Variants in CNR1 observed in about 807,000 individuals in gnomAD.
CNR1 encodes the protein cannabinoid receptor 1, also known as cannabinoid receptor 1 (brain).
A neutral mutation model predicts 23.0 loss-of-function variants in CNR1; 10 were observed. That is an observed-to-expected ratio of 0.43 (90% CI 0.27 to 0.74). The LOEUF (loss-of-function observed/expected upper bound fraction) is 0.74. CNR1 is among the 30% of genes least tolerant of loss of function. The probability of loss-of-function intolerance (pLI) is 0.19; values close to 1 mark genes in which losing one functional copy is unlikely to be tolerated. For synonymous variants in CNR1, 271 were observed against 255.2 expected (o/e 1.06, Z -0.59); for missense variants, 422 against 618.8 (o/e 0.68, Z 3.37).
At chr6:88,146,436 G>C (rs1222361257) in intron 1 of CNR1, among the ~76,000 whole-genome samples, 1 of 152,176 alleles carries the variant, frequency 6.6e-6, no homozygotes, top group Non-Finnish European at 1.5e-5. Flanking sequence ...CAGGGATATG[G>C]AGGAGGCCTC....
chr6:88,152,214 CAAAAAAAA>C (rs56141409), intron 1 of CNR1, among the ~76,000 whole-genome samples: 3 of 81,592 alleles, frequency 3.7e-5, no homozygotes, highest in African/African-American at 1.2e-4. Context: ...GACTCCGTCT[CAAAAAAAA>C]AAAAAAAAAA....
intron 1 of CNR1, among the ~76,000 whole-genome samples, chr6:88,152,131 C>A (rs371419146): frequency 6.8e-6 from 1 of 147,802 alleles, no homozygotes; most frequent in Non-Finnish European, 1.5e-5. Flanking sequence ...AGGAGAATGG[C>A]GTGAACCCGG....
At chr6:88,153,456 T>A (rs1234092243) in intron 1 of CNR1, among the ~76,000 whole-genome samples, 2 of 152,218 alleles carry the variant, frequency 1.3e-5, no homozygotes, top group Non-Finnish European at 2.9e-5. Flanking sequence ...TTCTCTGATA[T>A]TCTAAGTTTC....
intron 1 of CNR1, among the ~76,000 whole-genome samples, chr6:88,156,334 A>T (rs1777793695): frequency 6.6e-6 from 1 of 152,132 alleles, no homozygotes; most frequent in Non-Finnish European, 1.5e-5. Context: ...CCAAGATGTA[A>T]CATTTTTCTG....
rs578096730 is a variant in CNR1 at position 88,155,803 on chromosome 6, G to A, written c.-64+10000C>T. On this transcript the variant is annotated intron_variant, in intron 1 of 1. Transcript: ENST00000369501. Reference sequence around the variant, plus strand: ...GTCACTGGTGCTAATGGCAGTAACTGGCAAATAAAACCTAAGTCATTTTTG... The same window carrying A: ...GTCACTGGTGCTAATGGCAGTAACTAGCAAATAAAACCTAAGTCATTTTTG... Among the ~76,000 whole-genome samples the A allele has an allele frequency of 2.0e-5, 3 of 152,236 alleles. No homozygotes were observed. The East Asian group carries it at 5.8e-4, about 29-fold the overall frequency.
intron 1 of CNR1, among the ~76,000 whole-genome samples, chr6:88,151,255 G>T (rs1025793523): frequency 6.6e-6 from 1 of 152,146 alleles, no homozygotes; most frequent in African/African-American, 2.4e-5. Context: ...AGCTCCATGT[G>T]GTTAGTAGCT....
rs550156363 is a variant in CNR1, at chr6:88,157,795, G to A, written c.-64+8008C>T. The stretch of plus-strand genomic sequence containing the variant: ...TAATCACTACTGGTCCTAACTCTGT[G>A]ATGAAAAAGAACAGAAAATTAATCT... On this transcript the variant is annotated intron_variant, in intron 1 of 1. Transcript: ENST00000369501. Among the ~76,000 whole-genome samples, 4 of 152,190 alleles carry A rather than the reference G, an allele frequency of 2.6e-5. No homozygotes were observed. The South Asian group carries it at 8.3e-4, about 32-fold the overall frequency.
intron 1 of CNR1, among the ~76,000 whole-genome samples, chr6:88,151,675 T>C (rs1422704938): frequency 6.6e-6 from 1 of 151,380 alleles, no homozygotes; most frequent in African/African-American, 2.4e-5. Context: ...AAGAATATAT[T>C]ATAATAATAT....
intron 1 of CNR1, among the ~76,000 whole-genome samples, chr6:88,154,769 G>A (rs1227365595): frequency 6.6e-6 from 1 of 152,094 alleles, no homozygotes; most frequent in Non-Finnish European, 1.5e-5. Context: ...AGTAGAGACA[G>A]TGTTTCACAA....
At chr6:88,153,952 C>A (rs534051804) in intron 1 of CNR1, among the ~76,000 whole-genome samples, 1 of 152,220 alleles carries the variant, frequency 6.6e-6, no homozygotes, top group Non-Finnish European at 1.5e-5. Flanking sequence ...ACTTTTCCCT[C>A]ATCTTCTACA....
chr6:88,158,708 T>C (rs944370867), intron 1 of CNR1, among the ~76,000 whole-genome samples: 21 of 152,148 alleles, frequency 1.4e-4, no homozygotes, highest in African/African-American at 5.1e-4. Flanking sequence ...AAGGACTAAA[T>C]GAGAAGGGGA....
At chr6:88,145,460 G>A (rs1582330209) in intron 1 of CNR1, 123 bp from the exon 2 acceptor site, 1 of 578,290 alleles carries the variant, frequency 1.7e-6, no homozygotes, top group South Asian at 2.4e-5. Context: ...AACAGTAGGA[G>A]GTCAAGTTCT....
At chr6:88,158,916 GAGTGGAGAACCTCTCC>G (rs1337235926) in intron 1 of CNR1, among the ~76,000 whole-genome samples, 1 of 152,162 alleles carries the variant, frequency 6.6e-6, no homozygotes. Flanking sequence ...TAAGAATAAA[GAGTGGAGAACCTCTCC>G]AGTTTTTTTA....
chr6:88,143,700 A>C lies in CNR1; in HGVS notation c.*156T>G. ...TGGAGTTTGAGTACCTAAACTATGGAAACATTAGCAAACTGATAAGTGATC... is the reference window on the plus strand; with the variant it reads ...TGGAGTTTGAGTACCTAAACTATGGCAACATTAGCAAACTGATAAGTGATC... On this transcript the variant is annotated 3_prime_UTR_variant, in exon 2 of 2. Transcript: ENST00000369501. 2 of 646,412 alleles carry C rather than the reference A, an allele frequency of 3.1e-6. No homozygotes were observed. Among genetic ancestry groups the C allele is most frequent in the East Asian group, 2.6e-5 (1 of 38,734 alleles). 40.0% of individuals were successfully genotyped at this position (646,412 alleles called of 1,614,324 possible). A position where few individuals can be genotyped will look rare whatever the true frequency, so the allele number is the denominator to read the frequency against.
chr6:88,142,666 C>G lies in CNR1; in HGVS notation c.*1190G>C, dbSNP rs1337042618. 6.6e-6 allele frequency: 1 copy of G among 152,582 alleles called. No homozygotes were observed. The highest frequency in any genetic ancestry group is 2.4e-5 in the African/African-American group (1 of 41,428). 9.5% of individuals were successfully genotyped at this position (152,582 alleles called of 1,614,324 possible). A position where few individuals can be genotyped will look rare whatever the true frequency, so the allele number is the denominator to read the frequency against. ...AAGAACTCAATTTTAGAAACTGAATCCATGTGCAAGAGTGCAGCAAGTGGT... is the reference window on the plus strand; with the variant it reads ...AAGAACTCAATTTTAGAAACTGAATGCATGTGCAAGAGTGCAGCAAGTGGT... On this transcript the variant is annotated 3_prime_UTR_variant, in exon 2 of 2. Transcript: ENST00000369501.
At chr6:88,158,191 T>C (rs1244469597) in intron 1 of CNR1, among the ~76,000 whole-genome samples, 6 of 152,218 alleles carry the variant, frequency 3.9e-5, no homozygotes, top group Admixed American at 3.9e-4. Flanking sequence ...GAAATGTAGT[T>C]GTGATTAAGA....
chr6:88,166,719 A>G (rs1387233532), upstream of CNR1, among the ~76,000 whole-genome samples: 4 of 152,098 alleles, frequency 2.6e-5, no homozygotes, highest in East Asian at 7.8e-4. Flanking sequence ...CGGGGCCATT[A>G]ATCACACGCT....
chr6:88,152,634 A>G (rs1369741788), intron 1 of CNR1, among the ~76,000 whole-genome samples: 1 of 152,218 alleles, frequency 6.6e-6, no homozygotes, highest in Non-Finnish European at 1.5e-5. Flanking sequence ...TTAATAATAT[A>G]TGGATTTTAT....
In CNR1 at chr6:88,142,538, A is replaced by G. The variant is rs1776879973; in HGVS notation, c.*1318T>C. The G allele has an allele frequency of 6.6e-6, 1 of 152,326 alleles. No homozygotes were observed. The highest frequency in any genetic ancestry group is 2.1e-4 in the South Asian group (1 of 4,834). The allele number at this position is 152,326 out of a possible 1,614,324, so 9.4% of individuals were successfully genotyped here. On this transcript the variant is annotated 3_prime_UTR_variant, in exon 2 of 2. Transcript: ENST00000369501. ...TTGCTAAGCACTGGTCTTGTGTAAT[A>G]CCTAAAGGTCAATTTAGTAATACTT...
Sources: allele counts gnomAD v4.1 joint callset (sites outside exome capture counted in the v4.1 genomes callset), GRCh38; gene constraint gnomAD v4.1.1; transcripts MANE v1.5; gene names NCBI Gene and HGNC (gene_info 2026-07-23, HGNC 2026-07-21).